Variants in CDH13 observed in about 807,000 individuals in gnomAD.
The protein encoded by CDH13 is cadherin 13.
A neutral mutation model predicts 63.8 loss-of-function variants in CDH13; 24 were observed. The ratio of observed to expected loss-of-function variants is 0.38; its 90% CI spans 0.27 to 0.53. CDH13 has a LOEUF of 0.53. CDH13 is among the 20% of genes least tolerant of loss of function. The probability of loss-of-function intolerance (pLI) is 0.85; values close to 1 mark genes in which losing one functional copy is unlikely to be tolerated. For synonymous variants in CDH13, 503 were observed against 355.3 expected, an observed-to-expected ratio of 1.42 and a Z score of -4.67; for missense variants, 1,049 against 903.1, an observed-to-expected ratio of 1.16 and a Z score of -2.07.
chr16:82,684,441 A>G (rs917333528), intron 1 of CDH13, among the ~76,000 whole-genome samples: 3 of 152,150 alleles, frequency 2.0e-5, no homozygotes, highest in African/African-American at 7.2e-5. Context: ...GCGGTGAGCA[A>G]GATTCTAGAG....
intron 7 of CDH13, among the ~76,000 whole-genome samples, chr16:83,499,385 T>C (rs4617851): frequency 1 from 152,267 of 152,370 alleles, 76,082 homozygotes; most frequent in Non-Finnish European, 1. Flanking sequence ...TTTTAACTTT[T>C]CCACAGTGCA....
At chr16:83,297,500 G>A (rs151336430) in intron 5 of CDH13, among the ~76,000 whole-genome samples, 1 of 152,214 alleles carries the variant, frequency 6.6e-6, no homozygotes, top group East Asian at 1.9e-4. Flanking sequence ...TTCTCAAATA[G>A]CTCTAACTTA....
intron 1 of CDH13, among the ~76,000 whole-genome samples, chr16:82,765,645 C>T (rs1316156098): frequency 1.3e-5 from 2 of 152,130 alleles, no homozygotes; most frequent in African/African-American, 4.8e-5. Flanking sequence ...ATTTTTTATA[C>T]TATAAGCTTC....
At chr16:83,651,626 TGCTCTGTCACCCAG>T (rs1486232841) in intron 8 of CDH13, among the ~76,000 whole-genome samples, 8 of 146,038 alleles carry the variant, frequency 5.5e-5, no homozygotes, top group African/African-American at 2.0e-4. Flanking sequence ...GATGGAATCT[TGCTCTGTCACCCAG>T]GCTGGAGTGC....
chr16:82,671,743 G>T (rs1913268168), intron 1 of CDH13, among the ~76,000 whole-genome samples: 1 of 152,078 alleles, frequency 6.6e-6, no homozygotes, highest in Non-Finnish European at 1.5e-5. Context: ...ATCCAGATTT[G>T]GTATTCTAAA....
At chr16:83,579,194 CCACCTCAGTGAGG>C (rs936770605) in intron 7 of CDH13, among the ~76,000 whole-genome samples, 1 of 152,186 alleles carries the variant, frequency 6.6e-6, no homozygotes, top group Admixed American at 6.5e-5. Context: ...CTCACTGTTA[CCACCTCAGTGAGG>C]CAGAGATCCT....
intron 7 of CDH13, among the ~76,000 whole-genome samples, chr16:83,528,757 G>A (rs1265447029): frequency 2.0e-5 from 3 of 152,192 alleles, no homozygotes; most frequent in Non-Finnish European, 4.4e-5. Context: ...GCTGAACACA[G>A]TGTTGTTTTT....
intron 6 of CDH13, among the ~76,000 whole-genome samples, chr16:83,400,969 G>T (rs7185657): frequency 0.041 from 6,171 of 152,238 alleles, 139 homozygotes; most frequent in East Asian, 0.059. Flanking sequence ...TTTGGCAGAC[G>T]GAGGTGAAGG....
chr16:83,492,257 G>A (rs1005055262), intron 7 of CDH13, among the ~76,000 whole-genome samples: 2 of 152,196 alleles, frequency 1.3e-5, no homozygotes, highest in Non-Finnish European at 2.9e-5. Context: ...GATAGAGGTA[G>A]TAGTCATACT....
chr16:83,332,688 T>C (rs2090504784), intron 5 of CDH13, among the ~76,000 whole-genome samples: 1 of 152,184 alleles, frequency 6.6e-6, no homozygotes, highest in Admixed American at 6.5e-5. Context: ...TAAGTTCTAC[T>C]TGAACCAATT....
chr16:82,954,437 A>G (rs1044448799), intron 2 of CDH13: 1 of 152,140 alleles, frequency 6.6e-6, no homozygotes, highest in African/African-American at 2.4e-5. Context: ...TACCTGCTGC[A>G]CTTCCGTCCT....
At chr16:83,472,207 C>T (rs868716590) in intron 6 of CDH13, among the ~76,000 whole-genome samples, 2 of 152,174 alleles carry the variant, frequency 1.3e-5, no homozygotes, top group East Asian at 1.9e-4. Flanking sequence ...CAGAGTGGAG[C>T]AGCTGTTCAG....
chr16:82,775,559 A>G (rs1324264871), intron 1 of CDH13, among the ~76,000 whole-genome samples: 8 of 152,194 alleles, frequency 5.3e-5, no homozygotes, highest in African/African-American at 1.4e-4. Context: ...TGTCAATGCT[A>G]TGGGAAAGGT....
At chr16:82,995,096 G>A (rs761675071) in intron 2 of CDH13, among the ~76,000 whole-genome samples, 11 of 152,178 alleles carry the variant, frequency 7.2e-5, no homozygotes, top group South Asian at 2.1e-4. Flanking sequence ...CTTTATTCCC[G>A]TCATTTTAAT....
At chr16:83,436,698 C>T (rs2072316238) in intron 6 of CDH13, among the ~76,000 whole-genome samples, 1 of 152,144 alleles carries the variant, frequency 6.6e-6, no homozygotes, top group African/African-American at 2.4e-5. Context: ...ATGTGTAATC[C>T]CAGTTTTCTG....
chr16:83,149,147 A>T (rs969396468), intron 4 of CDH13, among the ~76,000 whole-genome samples: 7 of 152,244 alleles, frequency 4.6e-5, no homozygotes, highest in Non-Finnish European at 8.8e-5. Flanking sequence ...GGTTGGAATT[A>T]CATTATTTCC....
At chr16:82,862,528 C>T (rs2039984116) in intron 2 of CDH13, among the ~76,000 whole-genome samples, 2 of 151,070 alleles carry the variant, frequency 1.3e-5, no homozygotes, top group African/African-American at 4.9e-5. Context: ...AGAAGATCCT[C>T]ATTGGCCACA....
intron 8 of CDH13, among the ~76,000 whole-genome samples, chr16:83,670,154 G>A (rs1000708416): frequency 6.6e-6 from 1 of 152,184 alleles, no homozygotes; most frequent in African/African-American, 2.4e-5. Context: ...TATGGAGTGG[G>A]AAGGATGGGA....
At chr16:82,674,337 A>T (rs553822870) in intron 1 of CDH13, among the ~76,000 whole-genome samples, 1 of 152,314 alleles carries the variant, frequency 6.6e-6, no homozygotes, top group African/African-American at 2.4e-5. Flanking sequence ...TGTACCTACA[A>T]ATAATATTGT....
Sources: gnomAD v4.1 joint callset for allele counts (sites outside exome capture counted in the v4.1 genomes callset) on GRCh38, gnomAD v4.1.1 for gene constraint, MANE v1.5 for transcripts, NCBI Gene and HGNC (gene_info 2026-07-23, HGNC 2026-07-21) for gene names.